Variants in NXF1 observed in about 807,000 individuals in gnomAD.
NXF1 encodes nuclear RNA export factor 1.
Under a neutral mutation model 92.4 loss-of-function variants are expected in NXF1, and 43 were observed. That is an observed-to-expected ratio of 0.47 (90% CI 0.36 to 0.60). The LOEUF is 0.60. NXF1 is among the 20% of genes least tolerant of loss of function. The probability of loss-of-function intolerance (pLI) is 0.00; values close to 1 mark genes in which losing one functional copy is unlikely to be tolerated. For synonymous variants in NXF1, 288 were observed against 292.2 expected, an observed-to-expected ratio of 0.99 and a Z score of 0.15; for missense variants, 576 against 793.0, an observed-to-expected ratio of 0.73 and a Z score of 3.29.
rs915388658 is a variant in NXF1, at chr11:62,800,609, T to C, written c.907-123A>G. 2.1e-4 allele frequency: 111 copies of C among 519,750 alleles called. No homozygotes were observed. In the East Asian group the frequency reaches 3.8e-3, roughly 18 times the overall value. The allele number at this position is 519,750 out of a possible 1,614,324, so 32.2% of individuals were successfully genotyped here. ...TCTAATCTTTTAAAATTTTTTCTTT[T>C]TTTTTTTTTTTTGGGACAGGGTCTC... On this transcript the variant is annotated intron_variant, in intron 9 of 20. Transcript: ENST00000294172.
chr11:62,805,313 G>A lies in NXF1; in HGVS notation c.28+16C>T, dbSNP rs1232219367. ...GCCCCAGATAGCCAGTTCCCGACCC[G>A]AAGACCAGCACTTACCGCTGTACGA... is the stretch of plus-strand genomic sequence containing the variant. On this transcript the variant is annotated intron_variant, in intron 1 of 20. Coordinates refer to ENST00000294172, the MANE Select transcript of NXF1 (RefSeq NM_006362.5). The A allele has an allele frequency of 5.6e-6, 9 of 1,599,172 alleles. No homozygotes were observed. The highest frequency in any genetic ancestry group is 7.7e-6 in the Non-Finnish European group (9 of 1,173,770).
chr11:62,802,106 C>T (rs1229683544), intron 4 of NXF1, 60 bp from the exon 5 acceptor site: 10 of 1,603,200 alleles, frequency 6.2e-6, no homozygotes, highest in East Asian at 2.2e-5. Context: ...AGGGGCATTA[C>T]GCTGGGAGTC....
At chr11:62,798,786 T>C in intron 10 of NXF1, 1 of 1,378,960 alleles carries the variant, frequency 7.3e-7, no homozygotes, top group African/African-American at 1.5e-5. Context: ...GCTGTCTCTT[T>C]TCTCTCTGCC....
chr11:62,802,093 G>C, intron 4 of NXF1, 47 bp from the exon 5 acceptor site: 1 of 1,606,268 alleles, frequency 6.2e-7, no homozygotes, highest in South Asian at 1.1e-5. Context: ...AGAGCCCTTG[G>C]GGAGGGGCAT....
intron 19 of NXF1, 38 bp downstream of exon 19, chr11:62,794,220 T>C (rs768066926): frequency 8.2e-6 from 13 of 1,584,450 alleles, no homozygotes; most frequent in Non-Finnish European, 1.0e-5. Flanking sequence ...CTAGCCCTAC[T>C]TCAGTGCATC....
intron 14 of NXF1, 23 bp downstream of exon 14, chr11:62,796,437 A>G: frequency 1.2e-6 from 2 of 1,613,254 alleles, no homozygotes; most frequent in Non-Finnish European, 1.7e-6. Context: ...GGTCCCGGGC[A>G]GATTCTGGGA....
At chr11:62,797,140 C>A in intron 13 of NXF1, 43 bp downstream of exon 13, 1 of 1,570,494 alleles carries the variant, frequency 6.4e-7, no homozygotes, top group Non-Finnish European at 8.8e-7. Flanking sequence ...CCACCATTCC[C>A]CCTCAACCTC....
intron 9 of NXF1, among the ~76,000 whole-genome samples, chr11:62,800,773 A>C (rs1012265480): frequency 6.6e-6 from 1 of 151,762 alleles, no homozygotes; most frequent in Non-Finnish European, 1.5e-5. Flanking sequence ...CGACTAATTT[A>C]TTTTTTAAAT....
In NXF1 at chr11:62,801,728, G is replaced by A. The variant is rs2084481052; in HGVS notation, c.639+11C>T. ...ACTGGGTTGGAAACATCTAATTTGA[G>A]CCTGCCTCACCTTTAGCTGTTCTAC... is the stretch of plus-strand genomic sequence containing the variant. On this transcript the variant is annotated intron_variant, in intron 6 of 20. Coordinates refer to ENST00000294172, the MANE Select transcript of NXF1 (RefSeq NM_006362.5). 4 of 1,612,646 alleles carry A rather than the reference G, an allele frequency of 2.5e-6. No homozygotes were observed. Among genetic ancestry groups the A allele is most frequent in the Admixed American group, 3.3e-5 (2 of 59,998 alleles).
Position 62,797,403 on chromosome 11 carries a change from A to G in NXF1, c.1054-17T>C. 6.2e-7 allele frequency: 1 copy of G among 1,611,326 alleles called. No individual in the cohort carries two copies. On this transcript the variant is annotated splice_polypyrimidine_tract_variant and intron_variant, in intron 11 of 20. Transcript: ENST00000294172. The stretch of plus-strand genomic sequence containing the variant: ...ATGGCCATCCTGTGGAAAGGAAGTA[A>G]AAGTTGACAGTGTAGACTGGGCCCA...
Position 62,796,544 on chromosome 11 carries a change from C to T in NXF1, c.1202G>A (p.Gly401Glu), listed in dbSNP as rs776166593. 1 of 1,613,634 alleles carries T rather than the reference C, an allele frequency of 6.2e-7. No individual in the cohort carries two copies. Among genetic ancestry groups the T allele is most frequent in the Admixed American group, 1.7e-5 (1 of 60,014 alleles). The part of the protein sequence containing the change: ...LQQYYAIYDS[G>E]DRQGLLDAYH... The stretch of plus-strand genomic sequence containing the variant: ...GGCATCCAGGAGCCCTTGTCGGTCT[C>T]CAGAGTCGTAAATTGCATAGTACCT... The change falls in exon 14 of 21, where the codon GGA (glycine) becomes GAA (glutamate). Residue 401 changes from glycine to glutamate, a missense_variant. By Grantham distance (98) the Gly-to-Glu change is moderately conservative. Transcript: ENST00000294172.
intron 2 of NXF1, 75 bp from the exon 3 acceptor site, chr11:62,803,647 G>A (rs1433014906): frequency 6.4e-7 from 1 of 1,574,556 alleles, no homozygotes; most frequent in African/African-American, 1.3e-5. Flanking sequence ...CACTGTTAGT[G>A]GGACTACAAC....
chr11:62,801,725 T>A lies in NXF1; in HGVS notation c.639+14A>T. 6.2e-7 allele frequency: 1 copy of A among 1,612,822 alleles called. No individual in the cohort carries two copies. Among genetic ancestry groups the A allele is most frequent in the Non-Finnish European group, 8.5e-7 (1 of 1,178,800 alleles). ...AAGACTGGGTTGGAAACATCTAATT[T>A]GAGCCTGCCTCACCTTTAGCTGTTC... On this transcript the variant is annotated intron_variant, in intron 6 of 20. Transcript: ENST00000294172.
rs751392080 is a variant in NXF1 at position 62,805,368 on chromosome 11, G to C, written c.-12C>G. On this transcript the variant is annotated 5_prime_UTR_variant, in exon 1 of 21. It adds an upstream start codon to the 5' untranslated region. Transcript: ENST00000294172. ...CCCTCGTCCGCCATGCCACAGCGAA[G>C]ATCAAGGGCGGGCTCAGGCGCTGGC... is the stretch of plus-strand genomic sequence containing the variant. The C allele has an allele frequency of 6.2e-7, 1 of 1,611,224 alleles. No individual in the cohort carries two copies. The highest frequency in any genetic ancestry group is 8.5e-7 in the Non-Finnish European group (1 of 1,178,850).
chr11:62,794,217 T>C (rs2084398001), intron 19 of NXF1, 41 bp downstream of exon 19: 4 of 1,575,242 alleles, frequency 2.5e-6, no homozygotes, highest in Admixed American at 1.7e-5. Flanking sequence ...CTACTAGCCC[T>C]ACTTCAGTGC....
intron 19 of NXF1, among the ~76,000 whole-genome samples, chr11:62,793,243 T>C (rs2084385185): frequency 2.0e-5 from 3 of 152,234 alleles, no homozygotes; most frequent in Admixed American, 2.0e-4. Context: ...CAAGCCCCGC[T>C]AATTTTTGTA....
At chr11:62,797,082 A>C (rs924140041) in intron 13 of NXF1, 101 bp downstream of exon 13, 10 of 1,090,780 alleles carry the variant, frequency 9.2e-6, no homozygotes, top group Middle Eastern at 2.6e-4. Flanking sequence ...AAAAAAAAAA[A>C]ACAAAACAAA....
At chr11:62,795,512 T>C in intron 17 of NXF1, 1 of 275,368 alleles carries the variant, frequency 3.6e-6, no homozygotes, top group Non-Finnish European at 7.0e-6. Flanking sequence ...TGATAGCATC[T>C]GTATGCCAGG....
Position 62,796,072 on chromosome 11 carries a change from G to A in NXF1, c.1455C>T (p.Ala485=). The part of the protein sequence containing the change: ...DVNSFVVDIS[A]QTSTLLCFSV... Reference sequence around the variant, plus strand: ...GGCGCAAGCAGGAGCTTACTGTCTGGGCGCTTATGTCTACCACGAAGGAAT... The same window carrying A: ...GGCGCAAGCAGGAGCTTACTGTCTGAGCGCTTATGTCTACCACGAAGGAAT... Residue 485 remains alanine, a synonymous_variant, in exon 16 of 21, where the codon GCC becomes GCT. Transcript: ENST00000294172. 2 of 1,613,576 alleles carry A rather than the reference G, an allele frequency of 1.2e-6. No homozygotes were observed. Among genetic ancestry groups the A allele is most frequent in the African/African-American group, 2.7e-5 (2 of 74,816 alleles).
Sources: allele counts gnomAD v4.1 joint callset (sites outside exome capture counted in the v4.1 genomes callset), GRCh38; gene constraint gnomAD v4.1.1; transcripts MANE v1.5; gene names NCBI Gene and HGNC (gene_info 2026-07-23, HGNC 2026-07-21).